Variants in ANKRD30B observed in about 807,000 individuals in gnomAD.
ANKRD30B encodes the protein ankyrin repeat domain-containing protein 30B.
Under a neutral mutation model 202.2 loss-of-function variants are expected in ANKRD30B, and 144 were observed. That is an observed-to-expected ratio of 0.71 (90% CI 0.62 to 0.82). ANKRD30B has a LOEUF of 0.82. ANKRD30B is among the 40% of genes least tolerant of loss of function. The pLI is 0.00. For synonymous variants in ANKRD30B, 508 were observed against 561.3 expected, an observed-to-expected ratio of 0.91 and a Z score of 1.34; for missense variants, 1,487 against 1,669.1, an observed-to-expected ratio of 0.89 and a Z score of 1.90.
chr18:14,755,520 G>C (rs1186932193), intron 4 of ANKRD30B, among the ~76,000 whole-genome samples: 1 of 151,902 alleles, frequency 6.6e-6, no homozygotes, highest in African/African-American at 2.4e-5. Context: ...TTTAGCATTA[G>C]GTATATCTCC....
intron 15 of ANKRD30B, among the ~76,000 whole-genome samples, chr18:14,787,383 T>G (rs1968157161): frequency 6.6e-6 from 1 of 152,104 alleles, no homozygotes; most frequent in Non-Finnish European, 1.5e-5. Context: ...TGAAGTACGT[T>G]TGTCTAAAAG....
chr18:14,760,909 A>T (rs1216532317), intron 6 of ANKRD30B, among the ~76,000 whole-genome samples: 1 of 152,146 alleles, frequency 6.6e-6, no homozygotes, highest in Non-Finnish European at 1.5e-5. Context: ...TATTTTGTGT[A>T]TATAGGTAAC....
the ANKRD30B span, among the ~76,000 whole-genome samples, chr18:14,913,558 C>G: frequency 6.6e-6 from 1 of 152,236 alleles, no homozygotes; most frequent in Non-Finnish European, 1.5e-5. Flanking sequence ...AGGATCTGCG[C>G]TATTCAAGAG....
chr18:14,912,322 T>G, the ANKRD30B span, among the ~76,000 whole-genome samples: 1 of 152,182 alleles, frequency 6.6e-6, no homozygotes, highest in African/African-American at 2.4e-5. Context: ...AGGATTTTTA[T>G]CATGAAAGAA....
At chr18:14,843,795 AAAAC>A (rs1003870641) in intron 39 of ANKRD30B, among the ~76,000 whole-genome samples, 14 of 152,188 alleles carry the variant, frequency 9.2e-5, no homozygotes, top group Admixed American at 2.0e-4. Context: ...CTCCGTCTCA[AAAAC>A]AAACAAACAA....
intron 43 of ANKRD30B, among the ~76,000 whole-genome samples, 101 bp downstream of exon 43, chr18:14,854,044 T>C (rs1353882333): frequency 1.3e-5 from 2 of 152,226 alleles, no homozygotes; most frequent in Admixed American, 6.5e-5. Context: ...TTAAATAATA[T>C]AAATTGTTTT....
At chr18:14,819,599 G>A (rs568405080) in intron 30 of ANKRD30B, among the ~76,000 whole-genome samples, 1 of 152,212 alleles carries the variant, frequency 6.6e-6, no homozygotes, top group Admixed American at 6.5e-5. Context: ...AGTTTTCCCA[G>A]CACCATTTAT....
chr18:14,810,192 A>C lies in ANKRD30B; in HGVS notation c.2488+12A>C, dbSNP rs1448941559. 3.0e-6 allele frequency: 4 copies of C among 1,328,368 alleles called. No individual in the cohort carries two copies. Among genetic ancestry groups the C allele is most frequent in the Non-Finnish European group, 2.1e-6 (2 of 970,864 alleles). 82.3% of individuals were successfully genotyped at this position (1,328,368 alleles called of 1,614,324 possible). A position where few individuals can be genotyped will look rare whatever the true frequency, so the allele number is the denominator to read the frequency against. On this transcript the variant is annotated intron_variant, in intron 28 of 43. Transcript: ENST00000690538. ...AACATTAAAAGCAGGTAAACTTTGT[A>C]ATTTAAATTTTACTCTGGAATTAAG... is the stretch of plus-strand genomic sequence containing the variant.
At chr18:14,889,417 T>G in the ANKRD30B span, among the ~76,000 whole-genome samples, 1 of 152,186 alleles carries the variant, frequency 6.6e-6, no homozygotes, top group Admixed American at 6.5e-5. Flanking sequence ...CCTGTATCAT[T>G]ATATAATTAG....
intron 24 of ANKRD30B, among the ~76,000 whole-genome samples, chr18:14,805,774 G>C (rs1025169095): frequency 6.6e-5 from 10 of 150,576 alleles, no homozygotes; most frequent in Admixed American, 2.0e-4. Flanking sequence ...TTGCTCCTCT[G>C]ATTCAAGATC....
chr18:14,752,853 G>T lies in ANKRD30B; in HGVS notation c.351G>T (p.Glu117Asp). Residue 117 changes from glutamate to aspartate, a missense_variant, in exon 3 of 44, where the codon GAG becomes GAT. Glu to Asp is a conservative substitution (Grantham distance 45). This residue lies in a region of ANKRD30B where 889 missense variants were observed against 841.4 expected (regional missense o/e 1.06). Coordinates refer to ENST00000690538, the MANE Select transcript of ANKRD30B (RefSeq NM_001367607.2). ...AATACTGACAGGCTCTACAATGCGA[G>T]AGGGAGGCTTGTGCAAATATTCTCA... ...RTPLMKALQC[E>D]REACANILID... is the part of the protein sequence containing the mutation. 1 of 1,609,470 alleles carries T rather than the reference G, an allele frequency of 6.2e-7. No homozygotes were observed. Among genetic ancestry groups the T allele is most frequent in the Non-Finnish European group, 8.5e-7 (1 of 1,177,522 alleles).
chr18:14,770,337 G>T (rs1170512725), intron 8 of ANKRD30B, among the ~76,000 whole-genome samples: 1 of 152,108 alleles, frequency 6.6e-6, no homozygotes, highest in Non-Finnish European at 1.5e-5. Context: ...TGGAAAAATG[G>T]TTGTTCAGAT....
the ANKRD30B span, among the ~76,000 whole-genome samples, chr18:14,933,106 A>G: frequency 2.0e-3 from 306 of 152,344 alleles, no homozygotes; most frequent in African/African-American, 7.0e-3. Flanking sequence ...TTATCTGTAA[A>G]AATGGAACTT....
chr18:14,891,656 C>T, the ANKRD30B span, among the ~76,000 whole-genome samples: 1 of 151,228 alleles, frequency 6.6e-6, no homozygotes, highest in Non-Finnish European at 1.5e-5. Context: ...CCTGAATAGG[C>T]TAGAGAAAAT....
intron 9 of ANKRD30B, among the ~76,000 whole-genome samples, chr18:14,777,008 A>G (rs1397622550): frequency 1.3e-5 from 2 of 152,222 alleles, no homozygotes; most frequent in African/African-American, 4.8e-5. Flanking sequence ...TGCATATGTC[A>G]AGTGTTTAAT....
At chr18:14,879,138 T>G in the ANKRD30B span, among the ~76,000 whole-genome samples, 62 of 152,308 alleles carry the variant, frequency 4.1e-4, no homozygotes, top group Non-Finnish European at 6.8e-4. Context: ...TGCCTCGCTT[T>G]GGGACAACTC....
chr18:14,897,321 C>T, the ANKRD30B span, among the ~76,000 whole-genome samples: 1 of 152,074 alleles, frequency 6.6e-6, no homozygotes, highest in Non-Finnish European at 1.5e-5. Flanking sequence ...GCTGCAATTA[C>T]AGGCATGCAC....
At position 14,787,104 on chromosome 18, in the gene ANKRD30B, C is replaced by A. The variant is rs1968136704; in HGVS notation, c.1734+4C>A. 1 of 1,604,414 alleles carries A rather than the reference C, an allele frequency of 6.2e-7. No individual in the cohort carries two copies. The highest frequency in any genetic ancestry group is 2.2e-5 in the East Asian group (1 of 44,556). On this transcript the variant is annotated splice_donor_region_variant and intron_variant, in intron 15 of 43. Coordinates refer to ENST00000690538, the MANE Select transcript of ANKRD30B (RefSeq NM_001367607.2). ...AGAAAATTCTTGGGATTCTGAGGTA[C>A]TATGTGTTATTGATTTTTTTAAATA...
the ANKRD30B span, among the ~76,000 whole-genome samples, chr18:14,874,125 C>T: frequency 1.3e-5 from 2 of 152,184 alleles, no homozygotes; most frequent in Non-Finnish European, 2.9e-5. Flanking sequence ...TGAGTTAATG[C>T]ATGGGAAGGG....
Sources: gnomAD v4.1 joint callset for allele counts (sites outside exome capture counted in the v4.1 genomes callset) on GRCh38, gnomAD v4.1.1 for gene constraint, gnomAD v4.1.1 regional missense constraint, MANE v1.5 for transcripts, NCBI Gene and HGNC (gene_info 2026-07-23, HGNC 2026-07-21) for gene names.